AFF3: variants seen among roughly 807,000 people sequenced by gnomAD.
The protein encoded by AFF3 is AF4/FMR2 family member 3.
In AFF3, 32 loss-of-function variants were observed where a neutral mutation model predicts 129.7. The ratio of observed to expected loss-of-function variants is 0.25; its 90% CI spans 0.19 to 0.33. The LOEUF (loss-of-function observed/expected upper bound fraction) is 0.33, where lower values mean the gene tolerates loss of function less well. AFF3 is among the 10% of genes least tolerant of loss of function. AFF3 has a pLI of 1.00. For synonymous variants in AFF3, 644 were observed against 635.4 expected (o/e 1.01, Z -0.20); for missense variants, 1,373 against 1,592.0 (o/e 0.86, Z 2.34).
intron 4 of AFF3, among the ~76,000 whole-genome samples, chr2:100,047,478 G>A (rs1310910023): frequency 2.0e-5 from 3 of 152,244 alleles, no homozygotes; most frequent in Middle Eastern, 6.8e-3. Flanking sequence ...CACAGACCCC[G>A]TCCTTATTAC....
At chr2:100,120,560 A>T (rs1465463458) in intron 2 of AFF3, among the ~76,000 whole-genome samples, 6 of 149,070 alleles carry the variant, frequency 4.0e-5, no homozygotes, top group African/African-American at 1.5e-4. Context: ...TGGTTATTAC[A>T]TATCTGAGGA....
At position 100,007,195 on chromosome 2, in the gene AFF3, C is replaced by G. The variant is rs1302616728; in HGVS notation, c.440G>C (p.Gly147Ala). 1 of 1,614,156 alleles carries G rather than the reference C, an allele frequency of 6.2e-7. No homozygotes were observed. Among genetic ancestry groups the G allele is most frequent in the Non-Finnish European group, 8.5e-7 (1 of 1,180,034 alleles). The stretch of plus-strand genomic sequence containing the variant: ...GGGTGGGTGCCCAGCCTTCTGCCAG[C>G]CCATAGTGCCTCTCTTACTCTGCTG... The part of the protein sequence containing the change: ...PVQQSKRGTM[G>A]WQKAGHPPSD... Residue 147 changes from glycine to alanine, a missense_variant, in exon 6 of 25, where the codon GGC becomes GCC. Around this residue, in one of 9 missense-constraint regions of AFF3, gnomAD observed 255 missense variants for 256.0 expected, o/e 1.00. Coordinates refer to ENST00000672756, the MANE Select transcript of AFF3 (RefSeq NM_001386135.1).
intron 4 of AFF3, among the ~76,000 whole-genome samples, chr2:100,082,866 T>A (rs1169907034): frequency 6.6e-6 from 1 of 152,124 alleles, no homozygotes; most frequent in Non-Finnish European, 1.5e-5. Flanking sequence ...AGATCACCTG[T>A]GGTTGAGAGT....
intron 7 of AFF3, among the ~76,000 whole-genome samples, chr2:99,877,926 TA>T (rs891232486): frequency 6.6e-6 from 1 of 152,076 alleles, no homozygotes; most frequent in South Asian, 2.1e-4. Context: ...CTGAAGGCAC[TA>T]AAAAAATGCA....
chr2:99,744,225 C>G (rs983185890), intron 9 of AFF3, 85 bp from the exon 10 acceptor site: 24 of 1,177,514 alleles, frequency 2.0e-5, no homozygotes, highest in Non-Finnish European at 3.0e-5. Flanking sequence ...TAAAACTGGT[C>G]ATTCAGAACC....
intron 4 of AFF3, among the ~76,000 whole-genome samples, chr2:100,010,698 C>T (rs1682449329): frequency 6.6e-6 from 1 of 152,170 alleles, no homozygotes; most frequent in Non-Finnish European, 1.5e-5. Flanking sequence ...GCTGTGGTGA[C>T]AGTGACCAGC....
chr2:99,728,078 A>T (rs79027304), intron 10 of AFF3, among the ~76,000 whole-genome samples: 46 of 152,322 alleles, frequency 3.0e-4, no homozygotes, highest in African/African-American at 1.1e-3. Flanking sequence ...AGTTGTACGT[A>T]GTTGGGGGAG....
At chr2:100,002,835 C>T (rs1681554026) in intron 7 of AFF3, among the ~76,000 whole-genome samples, 1 of 152,198 alleles carries the variant, frequency 6.6e-6, no homozygotes, top group Admixed American at 6.5e-5. Flanking sequence ...AAACCACCAA[C>T]TGCAAAAGGC....
intron 8 of AFF3, among the ~76,000 whole-genome samples, chr2:99,803,459 C>T (rs1454232640): frequency 6.6e-6 from 1 of 152,074 alleles, no homozygotes; most frequent in Non-Finnish European, 1.5e-5. Context: ...GAAATACATC[C>T]CATGCTCATG....
At chr2:99,971,714 G>A (rs1231860887) in intron 7 of AFF3, among the ~76,000 whole-genome samples, 1 of 152,100 alleles carries the variant, frequency 6.6e-6, no homozygotes, top group African/African-American at 2.4e-5. Flanking sequence ...AGGGCATTTT[G>A]GTTTAAATAA....
chr2:99,583,010 A>T lies in AFF3; in HGVS notation c.2592-11T>A. 1 of 1,611,844 alleles carries T rather than the reference A, an allele frequency of 6.2e-7. No individual in the cohort carries two copies. Among genetic ancestry groups the T allele is most frequent in the South Asian group, 1.1e-5 (1 of 91,034 alleles). On this transcript the variant is annotated splice_polypyrimidine_tract_variant and intron_variant, in intron 16 of 24. Transcript: ENST00000672756. ...ATTGGTATTGCCACACTGAAAAAGG[A>T]AATTACGGTAATGGAATGTTACAGA...
At chr2:99,800,960 AGG>A (rs1403422934) in intron 8 of AFF3, among the ~76,000 whole-genome samples, 1 of 152,160 alleles carries the variant, frequency 6.6e-6, no homozygotes, top group African/African-American at 2.4e-5. Context: ...ATCAATTACA[AGG>A]GGTCTGAGAA....
chr2:99,746,722 C>A (rs964404894), intron 9 of AFF3, among the ~76,000 whole-genome samples: 1 of 152,158 alleles, frequency 6.6e-6, no homozygotes, highest in African/African-American at 2.4e-5. Flanking sequence ...ACAATTAAAT[C>A]CCCCATGTAG....
At chr2:100,131,003 C>T (rs1432858597) in intron 1 of AFF3, among the ~76,000 whole-genome samples, 2 of 152,092 alleles carry the variant, frequency 1.3e-5, no homozygotes, top group African/African-American at 4.8e-5. Context: ...AACTCCATAG[C>T]AATATTTTCA....
chr2:99,858,359 A>T (rs1465413079), intron 7 of AFF3, among the ~76,000 whole-genome samples: 1 of 150,896 alleles, frequency 6.6e-6, no homozygotes, highest in Admixed American at 6.6e-5. Flanking sequence ...CAGCCTGAGC[A>T]ATGTGGCGAA....
Position 99,548,578 on chromosome 2 carries a change from AAAAAT to A in AFF3, c.*2891_*2895del, listed in dbSNP as rs1400259259. 1.0e-5 allele frequency: 2 copies of A among 197,610 alleles called. No individual in the cohort carries two copies. Among genetic ancestry groups the A allele is most frequent in the African/African-American group, 2.3e-5 (1 of 43,318 alleles). The allele number at this position is 197,610 out of a possible 1,614,324, so 12.2% of individuals were successfully genotyped here. A position where few individuals can be genotyped will look rare whatever the true frequency, so the allele number is the denominator to read the frequency against. The stretch of plus-strand genomic sequence containing the variant: ...ATAGTGAGACCCCCATCTCTACAAA[AAAAAT>A]AAAGAAAAAATTAGCCGGGTGTGGT... On this transcript the variant is annotated 3_prime_UTR_variant, in exon 25 of 25. Coordinates refer to ENST00000672756, the MANE Select transcript of AFF3 (RefSeq NM_001386135.1).
chr2:100,069,462 C>A (rs969944527), intron 4 of AFF3, among the ~76,000 whole-genome samples: 4 of 152,144 alleles, frequency 2.6e-5, no homozygotes, highest in African/African-American at 9.7e-5. Flanking sequence ...CTAAATGAGT[C>A]ATGGAGATAT....
At chr2:99,900,459 T>C (rs2106139586) in intron 7 of AFF3, among the ~76,000 whole-genome samples, 1 of 151,940 alleles carries the variant, frequency 6.6e-6, no homozygotes, top group Middle Eastern at 3.4e-3. Context: ...CACCCAGGGC[T>C]CATTCAGAAG....
chr2:100,026,248 G>A (rs150600733), intron 4 of AFF3, among the ~76,000 whole-genome samples: 1,568 of 151,126 alleles, frequency 0.01, 14 homozygotes, highest in Non-Finnish European at 0.017. Flanking sequence ...GACATGAATA[G>A]ACAATTCTCA....
Sources: gnomAD v4.1 joint callset for allele counts (sites outside exome capture counted in the v4.1 genomes callset) on GRCh38, gnomAD v4.1.1 for gene constraint, gnomAD v4.1.1 regional missense constraint, MANE v1.5 for transcripts, NCBI Gene and HGNC (gene_info 2026-07-23, HGNC 2026-07-21) for gene names.